Variants in EBF3 observed in about 807,000 individuals in gnomAD.
EBF3 encodes EBF transcription factor 3, also known as transcription factor COE3.
A neutral mutation model predicts 77.1 loss-of-function variants in EBF3; 18 were observed. The ratio of observed to expected loss-of-function variants is 0.23; its 90% confidence interval spans 0.16 to 0.35. The LOEUF (loss-of-function observed/expected upper bound fraction) is 0.35. Ranked by LOEUF, EBF3 falls within the 10% of genes least tolerant of loss-of-function variation. The pLI is 1.00. For synonymous variants in EBF3, 350 were observed against 343.5 expected (o/e 1.02, Z -0.21); for missense variants, 558 against 860.0 (o/e 0.65, Z 4.39).
At chr10:129,911,033 C>A (rs537086525) in intron 6 of EBF3, among the ~76,000 whole-genome samples, 1 of 152,234 alleles carries the variant, frequency 6.6e-6, no homozygotes, top group African/African-American at 2.4e-5. Context: ...TGGGTACCAC[C>A]GCCCACTGCC....
intron 6 of EBF3, among the ~76,000 whole-genome samples, chr10:129,955,249 C>T (rs919151427): frequency 1.3e-5 from 2 of 152,120 alleles, no homozygotes; most frequent in African/African-American, 4.8e-5. Flanking sequence ...CTTAAAATCC[C>T]TAAAATAGAC....
rs537730931 is a variant in EBF3, at chr10:129,935,899, G to T, written c.554+21359C>A. On this transcript the variant is annotated intron_variant, in intron 6 of 16. Transcript: ENST00000440978. This position sits in a 1 kb window ranked among gnomAD's most constrained non-coding sequence, Gnocchi z 4.2. ...GGCAGGCATGGACAAAGGAATGGCCGGGGAAGGCAGAGCCCAAGCAGCCCT... is the reference window on the plus strand; with the variant it reads ...GGCAGGCATGGACAAAGGAATGGCCTGGGAAGGCAGAGCCCAAGCAGCCCT... Among the ~76,000 whole-genome samples, 6 of 152,050 alleles carry T rather than the reference G, an allele frequency of 3.9e-5. No homozygotes were observed. Among genetic ancestry groups the T allele is most frequent in the Admixed American group, 2.0e-4 (3 of 15,276 alleles).
chr10:129,957,160 A>T, intron 6 of EBF3, 98 bp downstream of exon 6: 1 of 1,103,862 alleles, frequency 9.1e-7, no homozygotes, highest in Non-Finnish European at 1.3e-6. Context: ...TGGGCTCGAC[A>T]CCAGCCTCAA....
rs556146615 is a variant in EBF3 at position 129,932,341 on chromosome 10, C to A, written c.554+24917G>T. The stretch of plus-strand genomic sequence containing the variant: ...GGCAATCCCTGGCAGCCAGCCCTCA[C>A]CCCTGCAACAAGGCGACAAGGGCCA... On this transcript the variant is annotated intron_variant, in intron 6 of 16. Transcript: ENST00000440978. Among the ~76,000 whole-genome samples the A allele has an allele frequency of 8.9e-4, 136 of 152,348 alleles. 2 individuals carry two copies. The South Asian group carries it at 0.028, about 31-fold the overall frequency.
intron 4 of EBF3, among the ~76,000 whole-genome samples, chr10:129,961,210 G>A (rs981322019): frequency 6.6e-6 from 1 of 152,198 alleles, no homozygotes; most frequent in African/African-American, 2.4e-5. Flanking sequence ...AACCGAAGAA[G>A]CCACTTTCAT....
At chr10:129,838,043 T>TC in intron 16 of EBF3, 83 bp from the exon 17 acceptor site, 12 of 1,537,772 alleles carry the variant, frequency 7.8e-6, no homozygotes, top group Non-Finnish European at 9.8e-6. Flanking sequence ...GGGCTGCCCT[T>TC]CCCCCCTATT....
At chr10:129,916,054 G>A (rs1231983407) in intron 6 of EBF3, among the ~76,000 whole-genome samples, 1 of 152,218 alleles carries the variant, frequency 6.6e-6, no homozygotes, top group Non-Finnish European at 1.5e-5. Context: ...GTCCCACAGG[G>A]GCTCCGAGGG....
rs1285848832 is a variant in EBF3 at position 129,842,463 on chromosome 10, T to C, written c.1195-170A>G. Among the ~76,000 whole-genome samples the C allele has an allele frequency of 6.6e-6, 1 of 152,164 alleles. No homozygotes were observed. Among genetic ancestry groups the C allele is most frequent in the East Asian group, 1.9e-4 (1 of 5,162 alleles). ...CCTAGAAAATCATTTACTGACGCTT[T>C]TGAAAGTGTGCAATATCTGGCTGGG... On this transcript the variant is annotated intron_variant, in intron 12 of 16. Transcript: ENST00000440978. This position sits in a 1 kb window ranked among gnomAD's most constrained non-coding sequence, Gnocchi z 4.4.
chr10:129,864,125 T>C lies in EBF3; in HGVS notation c.1039+3016A>G, dbSNP rs1483310477. Reference sequence around the variant, plus strand: ...GGAACTAAGGGGTCCACTGGTCCCTTAGTAGGAGGATATGAGACCTGGAGA... The same window carrying C: ...GGAACTAAGGGGTCCACTGGTCCCTCAGTAGGAGGATATGAGACCTGGAGA... On this transcript the variant is annotated intron_variant, in intron 10 of 16. Transcript: ENST00000440978. The surrounding 1 kb of genome is among the most constrained non-coding windows in gnomAD (Gnocchi z 4.4). Among the ~76,000 whole-genome samples the C allele has an allele frequency of 6.6e-6, 1 of 152,018 alleles. No individual in the cohort carries two copies. The highest frequency in any genetic ancestry group is 2.4e-5 in the African/African-American group (1 of 41,374).
rs571151062 is a variant in EBF3, at chr10:129,839,165, G to A, written c.1790C>T (p.Ala597Val). Reference sequence around the variant, plus strand: ...ACAAAAGGGCCAGTTTGTCTTCTCCGCGGCTACGTCCTCAGCACCCAGCAG... The same window carrying A: ...ACAAAAGGGCCAGTTTGTCTTCTCCACGGCTACGTCCTCAGCACCCAGCAG... ...GSLLGAEDVA[A>V]EKTNWPFCEV... Residue 597 changes from alanine (A) to valine (V), a missense_variant, in exon 16 of 17, where the codon GCG (alanine) becomes GTG (valine). Coordinates refer to ENST00000440978, the MANE Select transcript of EBF3 (RefSeq NM_001375380.1). 3.4e-4 allele frequency: 446 copies of A among 1,303,782 alleles called. 1 individual carries two copies. Among genetic ancestry groups the A allele is most frequent in the Non-Finnish European group, 3.7e-4 (368 of 988,438 alleles). 80.8% of individuals were successfully genotyped at this position (1,303,782 alleles called of 1,614,324 possible).
Position 129,902,407 on chromosome 10 carries a change from G to A in EBF3, c.555-24558C>T, listed in dbSNP as rs1250047660. Among the ~76,000 whole-genome samples the A allele has an allele frequency of 1.3e-5, 2 of 152,060 alleles. 1 individual carries two copies. The highest frequency in any genetic ancestry group is 4.2e-4 in the South Asian group (2 of 4,780). On this transcript the variant is annotated intron_variant, in intron 6 of 16. Transcript: ENST00000440978. ...TGTGACCTGGGGTGCTGGGTGCACG[G>A]GCGTCTTTCCATTTCCAATCCATGG...
chr10:129,885,584 C>A lies in EBF3; in HGVS notation c.555-7735G>T, dbSNP rs960837598. Among the ~76,000 whole-genome samples, 5 of 152,184 alleles carry A rather than the reference C, an allele frequency of 3.3e-5. No individual in the cohort carries two copies. The South Asian group carries it at 1.0e-3, about 32-fold the overall frequency. ...TGTTTCAAGTGCCTATCTTTCTTTC[C>A]CCCCTTTACCTATTTCTCTATTTCT... On this transcript the variant is annotated intron_variant, in intron 6 of 16. Coordinates refer to ENST00000440978, the MANE Select transcript of EBF3 (RefSeq NM_001375380.1). This position sits in a 1 kb window ranked among gnomAD's most constrained non-coding sequence, Gnocchi z 4.0.
chr10:129,949,548 T>C (rs79589765), intron 6 of EBF3, among the ~76,000 whole-genome samples: 1,857 of 152,112 alleles, frequency 0.012, 32 homozygotes, highest in East Asian at 0.053. Flanking sequence ...CTGCCCAGAG[T>C]TGGGGTGACC....
chr10:129,921,916 G>GC (rs1856341369), intron 6 of EBF3, among the ~76,000 whole-genome samples: 1 of 152,134 alleles, frequency 6.6e-6, no homozygotes, highest in Non-Finnish European at 1.5e-5. Context: ...AGCCTGGCCC[G>GC]CCCCCTGTCT....
chr10:129,963,781 C>T lies in EBF3; in HGVS notation c.-13G>A. 6.7e-7 allele frequency: 1 copy of T among 1,500,604 alleles called. No homozygotes were observed. The highest frequency in any genetic ancestry group is 9.0e-7 in the Non-Finnish European group (1 of 1,114,360). The allele number at this position is 1,500,604 out of a possible 1,614,324, so 93.0% of individuals were successfully genotyped here. A position where few individuals can be genotyped will look rare whatever the true frequency, so the allele number is the denominator to read the frequency against. On this transcript the variant is annotated 5_prime_UTR_variant, in exon 1 of 17. Coordinates refer to ENST00000440978, the MANE Select transcript of EBF3 (RefSeq NM_001375380.1). This position sits in a 1 kb window ranked among gnomAD's most constrained non-coding sequence, Gnocchi z 7.1. ...GAATCCCAAACATGAAAACTGCTGGCGGCGGCCGCAGCTCCCGGCCGAAAG... is the reference window on the plus strand; with the variant it reads ...GAATCCCAAACATGAAAACTGCTGGTGGCGGCCGCAGCTCCCGGCCGAAAG...
intron 6 of EBF3, among the ~76,000 whole-genome samples, chr10:129,891,691 G>A (rs976696265): frequency 3.3e-5 from 5 of 152,180 alleles, no homozygotes; most frequent in South Asian, 2.1e-4. Flanking sequence ...TTGTGGATCC[G>A]TGGCCCGGTG....
At chr10:129,875,042 T>C (rs1408696335) in intron 7 of EBF3, among the ~76,000 whole-genome samples, 2 of 152,032 alleles carry the variant, frequency 1.3e-5, no homozygotes. Flanking sequence ...AGTTACCTAA[T>C]ACAAAATGAA....
At chr10:129,948,224 C>T (rs1858377986) in intron 6 of EBF3, among the ~76,000 whole-genome samples, 1 of 139,460 alleles carries the variant, frequency 7.2e-6, no homozygotes, top group Non-Finnish European at 1.5e-5. Context: ...CACCATTGCA[C>T]TCCAGCCTGG....
chr10:129,905,647 T>G (rs1178448934), intron 6 of EBF3, among the ~76,000 whole-genome samples: 3 of 151,942 alleles, frequency 2.0e-5, no homozygotes, highest in African/African-American at 7.3e-5. Context: ...ACACACCATC[T>G]CTAGAGGATG....
Sources: gnomAD v4.1 joint callset for allele counts (sites outside exome capture counted in the v4.1 genomes callset) on GRCh38, gnomAD v4.1.1 for gene constraint, Gnocchi (gnomAD v3.1) non-coding constraint, MANE v1.5 for transcripts, NCBI Gene and HGNC (gene_info 2026-07-23, HGNC 2026-07-21) for gene names.